The following RAB3GAP2 variants were observed in gnomAD, a reference collection of about 807,000 sequenced individuals.
RAB3GAP2 encodes RAB3 GTPase activating non-catalytic protein subunit 2.
Under a neutral mutation model 185.3 loss-of-function variants are expected in RAB3GAP2, and 87 were observed. The ratio of observed to expected loss-of-function variants is 0.47; its 90% CI spans 0.39 to 0.56. The LOEUF (loss-of-function observed/expected upper bound fraction) is 0.56. RAB3GAP2 is among the 20% of genes least tolerant of loss of function. The probability of loss-of-function intolerance (pLI) is 0.00; values close to 1 mark genes in which losing one functional copy is unlikely to be tolerated. For missense variants in RAB3GAP2, 1,492 were observed against 1,638.2 expected (o/e 0.91, Z 1.54); for synonymous variants, 554 against 576.1 (o/e 0.96, Z 0.55).
intron 1 of RAB3GAP2, among the ~76,000 whole-genome samples, chr1:220,256,477 G>A (rs1660034064): frequency 6.6e-6 from 1 of 151,968 alleles, no homozygotes; most frequent in East Asian, 1.9e-4. Flanking sequence ...GGATAAAGAC[G>A]CAAAACCTTC....
chr1:220,195,443 A>C, intron 10 of RAB3GAP2, 66 bp from the exon 11 acceptor site: 1 of 1,388,152 alleles, frequency 7.2e-7, no homozygotes, highest in Admixed American at 1.7e-5. Flanking sequence ...TACTTTCTAA[A>C]TAAAGCTTAC....
chr1:220,164,151 T>C (rs1344808492), intron 27 of RAB3GAP2, among the ~76,000 whole-genome samples: 1 of 152,190 alleles, frequency 6.6e-6, no homozygotes, highest in East Asian at 1.9e-4. Flanking sequence ...CACAAGATAG[T>C]TGCTACAGTC....
Position 220,157,826 on chromosome 1 carries a change from C to A in RAB3GAP2, c.3312G>T (p.Leu1104Phe), listed in dbSNP as rs1657886885. 6.2e-7 allele frequency: 1 copy of A among 1,613,208 alleles called. No individual in the cohort carries two copies. Among genetic ancestry groups the A allele is most frequent in the African/African-American group, 1.3e-5 (1 of 74,876 alleles). ...CCTCCATTAAGATCTGAAGAAGATC[C>A]AAACAGGAGCCGAGGAAAGATGTCA... ...TAMTSFLGSC[L>F]DLLQILMEAD... The change falls in exon 30 of 35, where the codon TTG (leucine) becomes TTT (phenylalanine). Residue 1104 changes from leucine to phenylalanine, a missense_variant. By Grantham distance (22) the Leu-to-Phe change is conservative (BLOSUM62 0). Around this residue, in one of 5 missense-constraint regions of RAB3GAP2, gnomAD observed 387 missense variants for 455.3 expected, o/e 0.85. Coordinates refer to ENST00000358951, the MANE Select transcript of RAB3GAP2 (RefSeq NM_012414.4).
Position 220,158,240 on chromosome 1 carries a change from CAT to C in RAB3GAP2, c.3262-366_3262-365del, listed in dbSNP as rs1320951441. ...AATCGTGGTAGATGGAAGATACACA[CAT>C]GAGAATCTAACCTGAAAAGCTCCAA... On this transcript the variant is annotated intron_variant, in intron 29 of 34. Coordinates refer to ENST00000358951, the MANE Select transcript of RAB3GAP2 (RefSeq NM_012414.4). The surrounding 1 kb of genome is among the most constrained non-coding windows in gnomAD (Gnocchi z 4.3). 6.6e-6 allele frequency among the ~76,000 whole-genome samples: 1 copy of C among 152,164 alleles called. No homozygotes were observed. The highest frequency in any genetic ancestry group is 6.6e-5 in the Admixed American group (1 of 15,266).
intron 33 of RAB3GAP2, among the ~76,000 whole-genome samples, chr1:220,152,103 T>C (rs188500483): frequency 6.6e-6 from 1 of 152,058 alleles, no homozygotes; most frequent in Admixed American, 6.5e-5. Context: ...TGAGATGGAG[T>C]CTCACTCTGC....
intron 1 of RAB3GAP2, among the ~76,000 whole-genome samples, chr1:220,250,363 T>C (rs1038512743): frequency 2.0e-5 from 3 of 152,250 alleles, no homozygotes; most frequent in African/African-American, 7.2e-5. Flanking sequence ...GGTCAATTTC[T>C]CCCATTTGGA....
chr1:220,152,465 T>C (rs1331169625), intron 33 of RAB3GAP2, among the ~76,000 whole-genome samples: 1 of 152,230 alleles, frequency 6.6e-6, no homozygotes, highest in Non-Finnish European at 1.5e-5. Context: ...CCCTGCCTCA[T>C]GCCATACTTC....
intron 1 of RAB3GAP2, among the ~76,000 whole-genome samples, chr1:220,237,703 T>G (rs1490994277): frequency 6.6e-6 from 1 of 152,156 alleles, no homozygotes; most frequent in Non-Finnish European, 1.5e-5. Flanking sequence ...AGGATAAACC[T>G]AAGTGCTGGT....
rs1236192593 is a variant in RAB3GAP2 at position 220,150,629 on chromosome 1, TC to T, written c.*621del. The T allele has an allele frequency of 6.5e-6, 1 of 152,750 alleles. No homozygotes were observed. Among genetic ancestry groups the T allele is most frequent in the Non-Finnish European group, 1.5e-5 (1 of 68,176 alleles). The allele number at this position is 152,750 out of a possible 1,614,324, so 9.5% of individuals were successfully genotyped here. A position where few individuals can be genotyped will look rare whatever the true frequency, so the allele number is the denominator to read the frequency against. ...TTGGCAAGTACAACAGGTTAAGGGT[TC>T]TATTTAGTGTCCCCTTCTGATGAAT... On this transcript the variant is annotated 3_prime_UTR_variant, in exon 35 of 35. Transcript: ENST00000358951.
chr1:220,208,152 A>G (rs1224991885), intron 7 of RAB3GAP2: 1 of 152,198 alleles, frequency 6.6e-6, no homozygotes, highest in Non-Finnish European at 1.5e-5. Context: ...AATGTTAGTT[A>G]TATTTTTCCA....
At chr1:220,171,165 C>A in intron 23 of RAB3GAP2, 45 bp from the exon 24 acceptor site, 1 of 1,544,864 alleles carries the variant, frequency 6.5e-7, no homozygotes, top group South Asian at 1.1e-5. Context: ...GATTCTGAAT[C>A]AATATTAACT....
chr1:220,157,532 A>G, intron 30 of RAB3GAP2, 44 bp from the exon 31 acceptor site: 1 of 1,576,178 alleles, frequency 6.3e-7, no homozygotes, highest in Non-Finnish European at 8.7e-7. Context: ...TAATGGAAAA[A>G]TAATAGCTTA....
At chr1:220,180,976 A>G (rs1008211458) in intron 21 of RAB3GAP2, among the ~76,000 whole-genome samples, 2 of 152,306 alleles carry the variant, frequency 1.3e-5, no homozygotes, top group East Asian at 3.9e-4. Context: ...TCTATACTGA[A>G]CATGTACAGG....
At chr1:220,197,077 C>A (rs1391654605) in intron 9 of RAB3GAP2, among the ~76,000 whole-genome samples, 1 of 151,596 alleles carries the variant, frequency 6.6e-6, no homozygotes, top group African/African-American at 2.4e-5. Flanking sequence ...ACCTCTGCCT[C>A]CCAGGTTCAA....
intron 2 of RAB3GAP2, among the ~76,000 whole-genome samples, chr1:220,218,296 C>G (rs556710073): frequency 1.3e-5 from 2 of 152,202 alleles, no homozygotes; most frequent in South Asian, 4.1e-4. Flanking sequence ...TATATCCTCC[C>G]AGTTTGCCAT....
intron 34 of RAB3GAP2, 58 bp downstream of exon 34, chr1:220,151,548 C>CA: frequency 1.3e-6 from 2 of 1,586,126 alleles, no homozygotes; most frequent in Admixed American, 3.3e-5. Context: ...TGTTATTAAC[C>CA]AGGCACTCAA....
At chr1:220,199,731 T>A (rs2102874159) in intron 9 of RAB3GAP2, among the ~76,000 whole-genome samples, 1 of 152,304 alleles carries the variant, frequency 6.6e-6, no homozygotes, top group South Asian at 2.1e-4. Context: ...AGTCTCATCA[T>A]CCAGCCCGTT....
At chr1:220,256,856 A>G (rs1660040244) in intron 1 of RAB3GAP2, among the ~76,000 whole-genome samples, 1 of 152,218 alleles carries the variant, frequency 6.6e-6, no homozygotes, top group Non-Finnish European at 1.5e-5. Context: ...GAAAATTAAC[A>G]AAGATATTCA....
At chr1:220,210,635 A>G (rs1226811727) in intron 6 of RAB3GAP2, 146 bp from the exon 7 acceptor site, 8 of 965,224 alleles carry the variant, frequency 8.3e-6, no homozygotes, top group Non-Finnish European at 1.3e-5. Flanking sequence ...TCTTCTCTGT[A>G]TCTTCTACCA....
Sources: gnomAD v4.1 joint callset for allele counts (sites outside exome capture counted in the v4.1 genomes callset) on GRCh38, gnomAD v4.1.1 for gene constraint, gnomAD v4.1.1 regional missense constraint, Gnocchi (gnomAD v3.1) non-coding constraint, MANE v1.5 for transcripts, NCBI Gene and HGNC (gene_info 2026-07-23, HGNC 2026-07-21) for gene names.